Variants in STYXL2 observed in about 807,000 individuals in gnomAD.
The protein encoded by STYXL2 is serine/threonine/tyrosine-interacting-like protein 2.
In STYXL2, 44 loss-of-function variants were observed where a neutral mutation model predicts 52.4. The ratio of observed to expected loss-of-function variants is 0.84; its 90% CI spans 0.66 to 1.08. STYXL2 has a LOEUF of 1.08. Among genes scored for constraint, STYXL2 ranks in the 50% least tolerant of loss-of-function variants. The pLI, the probability that STYXL2 is intolerant of heterozygous loss-of-function variation, is 0.00. For missense variants in STYXL2, 1,604 were observed against 1,471.7 expected (o/e 1.09, Z -1.47); for synonymous variants, 604 against 586.9 (o/e 1.03, Z -0.42).
At position 167,114,035 on chromosome 1, in the gene STYXL2, T is replaced by G. The variant is rs145141117; in HGVS notation, c.205+231T>G. ...GGGACAACCAGAGAGGCAGCACCAATCTGTCCCTAGGGCCTCCTGCTCAAT... is the reference window on the plus strand; with the variant it reads ...GGGACAACCAGAGAGGCAGCACCAAGCTGTCCCTAGGGCCTCCTGCTCAAT... On this transcript the variant is annotated intron_variant, in intron 3 of 5. Transcript: ENST00000361200. Among the ~76,000 whole-genome samples, 422 of 152,258 alleles carry G rather than the reference T, an allele frequency of 2.8e-3. 6 individuals carry two copies. Among genetic ancestry groups the G allele is most frequent in the African/African-American group, 9.2e-3 (382 of 41,548 alleles).
At chr1:167,113,688 C>T (rs772917973) in intron 2 of STYXL2, 22 bp from the exon 3 acceptor site, 23 of 1,570,284 alleles carry the variant, frequency 1.5e-5, no homozygotes, top group South Asian at 5.5e-5. Context: ...GCTTATCTCA[C>T]GTGAATATCC....
intron 5 of STYXL2, 56 bp downstream of exon 5, chr1:167,119,522 G>A: frequency 6.6e-7 from 1 of 1,514,438 alleles, no homozygotes; most frequent in East Asian, 2.3e-5. Flanking sequence ...AAAGTAATGT[G>A]GGGAATGTTA....
Position 167,120,793 on chromosome 1 carries a change from T to C in STYXL2, c.655+1327T>C, listed in dbSNP as rs1482711296. ...CACCATGCCTGGCCAAATACACATA[T>C]TTTAAATATGTATATGTATGTGTGC... On this transcript the variant is annotated intron_variant, in intron 5 of 5. Coordinates refer to ENST00000361200, the MANE Select transcript of STYXL2 (RefSeq NM_001080426.3). Among the ~76,000 whole-genome samples the C allele has an allele frequency of 5.2e-5, 7 of 133,562 alleles. No individual in the cohort carries two copies. The East Asian group carries it at 1.6e-3, about 31-fold the overall frequency. The allele number at this position is 133,562 out of a possible 152,430, so 87.6% of individuals were successfully genotyped here.
In STYXL2 at chr1:167,125,772, G is replaced by A; in HGVS notation, c.656-15G>A. The A allele has an allele frequency of 6.4e-7, 1 of 1,566,200 alleles. No individual in the cohort carries two copies. ...CACTGTCATTACATCATTTTCTCTT[G>A]TGTTTTCATTTCAGGGAAAGTCCTG... On this transcript the variant is annotated splice_polypyrimidine_tract_variant and intron_variant, in intron 5 of 5. Transcript: ENST00000361200.
intron 2 of STYXL2, 73 bp downstream of exon 2, chr1:167,095,032 C>T: frequency 9.0e-7 from 1 of 1,116,420 alleles, no homozygotes; most frequent in Non-Finnish European, 1.3e-6. Context: ...GCCATTAGCT[C>T]CAGGGAGCCT....
chr1:167,128,852 C>T lies in STYXL2; in HGVS notation c.*244C>T, dbSNP rs1194927609. On this transcript the variant is annotated 3_prime_UTR_variant, in exon 6 of 6. Coordinates refer to ENST00000361200, the MANE Select transcript of STYXL2 (RefSeq NM_001080426.3). The stretch of plus-strand genomic sequence containing the variant: ...GACCAACTGATACCATTTTCTGTTG[C>T]TCAGCGCCCTCTAAGCTTTGGTGTT... The T allele has an allele frequency of 1.8e-6, 1 of 543,038 alleles. No homozygotes were observed. Among genetic ancestry groups the T allele is most frequent in the African/African-American group, 1.9e-5 (1 of 52,756 alleles). 33.6% of individuals were successfully genotyped at this position (543,038 alleles called of 1,614,324 possible).
intron 1 of STYXL2, 122 bp downstream of exon 1, chr1:167,094,316 T>C (rs568399212): frequency 6.0e-4 from 95 of 158,910 alleles, no homozygotes; most frequent in Non-Finnish European, 1.1e-3. Flanking sequence ...CTGGTATCCT[T>C]CATGTCCTTT....
chr1:167,111,491 TATATATATATATATATATATATACAC>T (rs140475448), intron 2 of STYXL2, among the ~76,000 whole-genome samples: 39,676 of 116,276 alleles, frequency 0.34, 6,716 homozygotes, highest in East Asian at 0.7. Flanking sequence ...TATATATATA[TATATATATATATATATATATATACAC>T]ACACACACAC....
intron 5 of STYXL2, among the ~76,000 whole-genome samples, chr1:167,121,954 T>C (rs542752187): frequency 6.6e-6 from 1 of 152,324 alleles, no homozygotes; most frequent in African/African-American, 2.4e-5. Context: ...TCCCTGAGCC[T>C]TAGGTCCTGT....
chr1:167,127,889 C>A lies in STYXL2; in HGVS notation c.2758C>A (p.His920Asn). Reference sequence around the variant, plus strand: ...ATGCTCCTCCCTGGCTGTCTGTGATCACTATGCAAGTGGCAGCAGAGTTGG... The same window carrying A: ...ATGCTCCTCCCTGGCTGTCTGTGATAACTATGCAAGTGGCAGCAGAGTTGG... ...DTCSSLAVCD[H>N]YASGSRVGKE... is the part of the protein sequence containing the mutation. The change falls in exon 6 of 6, where the codon CAC becomes AAC. Residue 920 changes from histidine to asparagine, a missense_variant. By Grantham distance (68) the His-to-Asn change is moderately conservative. Coordinates refer to ENST00000361200, the MANE Select transcript of STYXL2 (RefSeq NM_001080426.3). The A allele has an allele frequency of 6.2e-7, 1 of 1,614,112 alleles. No individual in the cohort carries two copies. Among genetic ancestry groups the A allele is most frequent in the Admixed American group, 1.7e-5 (1 of 60,022 alleles).
intron 5 of STYXL2, among the ~76,000 whole-genome samples, chr1:167,120,853 T>C (rs1408755909): frequency 1.6e-4 from 2 of 12,788 alleles, no homozygotes; most frequent in African/African-American, 1.2e-3. Context: ...TATATATATA[T>C]ATATATATAT....
intron 2 of STYXL2, among the ~76,000 whole-genome samples, chr1:167,110,650 G>T (rs1015548328): frequency 2.6e-5 from 4 of 152,154 alleles, no homozygotes; most frequent in African/African-American, 9.7e-5. Context: ...CAAGGTGTGA[G>T]AATTAACAAT....
chr1:167,111,307 G>A (rs147546174), intron 2 of STYXL2, among the ~76,000 whole-genome samples: 2,358 of 151,554 alleles, frequency 0.016, 25 homozygotes, highest in Non-Finnish European at 0.023. Flanking sequence ...TCTACCATTT[G>A]ATCCAGCAAT....
chr1:167,096,342 C>A (rs1169345810), intron 2 of STYXL2, among the ~76,000 whole-genome samples: 1 of 152,192 alleles, frequency 6.6e-6, no homozygotes, highest in Non-Finnish European at 1.5e-5. Context: ...GTCCTCCTCT[C>A]TTGTATACCC....
At chr1:167,095,335 G>C (rs533628705) in intron 2 of STYXL2, among the ~76,000 whole-genome samples, 3 of 151,466 alleles carry the variant, frequency 2.0e-5, no homozygotes, top group Admixed American at 1.3e-4. Flanking sequence ...CTGGATATGG[G>C]GATGACAGGC....
At chr1:167,095,483 C>T (rs1667265083) in intron 2 of STYXL2, among the ~76,000 whole-genome samples, 1 of 152,122 alleles carries the variant, frequency 6.6e-6, no homozygotes, top group African/African-American at 2.4e-5. Context: ...TGGCAAGATG[C>T]CAAGAGGCAT....
chr1:167,115,672 T>C (rs1029374260), intron 3 of STYXL2, among the ~76,000 whole-genome samples: 4 of 148,770 alleles, frequency 2.7e-5, no homozygotes, highest in African/African-American at 1.0e-4. Flanking sequence ...CTGAATTTGC[T>C]ATGAAAGACC....
At chr1:167,095,987 A>G (rs1293353125) in intron 2 of STYXL2, among the ~76,000 whole-genome samples, 1 of 152,136 alleles carries the variant, frequency 6.6e-6, no homozygotes, top group Non-Finnish European at 1.5e-5. Context: ...TGGAGCTTAG[A>G]GACTTCTCCT....
Position 167,127,863 on chromosome 1 carries a change from C to T in STYXL2, c.2732C>T (p.Thr911Ile), listed in dbSNP as rs1668009905. ...AATTCCCAGAAACCTGAAACAGACA[C>T]ATGCTCCTCCCTGGCTGTCTGTGAT... Reference protein sequence around the residue: ...RSNSQKPETDTCSSLAVCDHY... With the variant: ...RSNSQKPETDICSSLAVCDHY... The change falls in exon 6 of 6, where the codon ACA (threonine) becomes ATA (isoleucine). Residue 911 changes from threonine (T) to isoleucine (I), a missense_variant. Physicochemically the swap from Thr to Ile is moderately conservative, Grantham distance 89. Coordinates refer to ENST00000361200, the MANE Select transcript of STYXL2 (RefSeq NM_001080426.3). 1 of 1,613,860 alleles carries T rather than the reference C, an allele frequency of 6.2e-7. No individual in the cohort carries two copies. The highest frequency in any genetic ancestry group is 1.1e-5 in the South Asian group (1 of 91,086).
Sources: allele counts gnomAD v4.1 joint callset (sites outside exome capture counted in the v4.1 genomes callset), GRCh38; gene constraint gnomAD v4.1.1; transcripts MANE v1.5; gene names NCBI Gene and HGNC (gene_info 2026-07-23, HGNC 2026-07-21).